Variants in PPARGC1A observed in about 807,000 individuals in gnomAD.
The protein encoded by PPARGC1A is PPARG coactivator 1 alpha, also known as peroxisome proliferator-activated receptor gamma coactivator 1-alpha.
PPARGC1A carries 25 observed loss-of-function variants against 88.7 expected under a neutral mutation model. The observed-to-expected ratio is 0.28, with a 90% CI of 0.21 to 0.39. PPARGC1A has a LOEUF of 0.39. Ranked by LOEUF, PPARGC1A falls within the 10% of genes least tolerant of loss-of-function variation. PPARGC1A has a pLI of 1.00. For missense variants in PPARGC1A, 880 were observed against 968.7 expected (o/e 0.91, Z 1.22); for synonymous variants, 363 against 355.6 (o/e 1.02, Z -0.24).
chr4:24,177,989 G>A, the PPARGC1A span, among the ~76,000 whole-genome samples: 1 of 152,124 alleles, frequency 6.6e-6, no homozygotes, highest in South Asian at 2.1e-4. Context: ...TCATAAATTC[G>A]TTATCTTACA....
the PPARGC1A span, among the ~76,000 whole-genome samples, chr4:24,023,518 T>A: frequency 3.3e-5 from 5 of 152,164 alleles, no homozygotes; most frequent in Non-Finnish European, 5.9e-5. Context: ...ACTGCAGAGT[T>A]TTCCAGCTGT....
chr4:24,084,657 A>G, the PPARGC1A span, among the ~76,000 whole-genome samples: 2 of 152,200 alleles, frequency 1.3e-5, no homozygotes, highest in Non-Finnish European at 2.9e-5. Flanking sequence ...ATGAAAACAA[A>G]CAATACAAGG....
chr4:24,124,186 CA>C, the PPARGC1A span, among the ~76,000 whole-genome samples: 1 of 152,114 alleles, frequency 6.6e-6, no homozygotes, highest in Non-Finnish European at 1.5e-5. Flanking sequence ...AATCTAAATG[CA>C]AATGTCGAGG....
chr4:24,390,081 G>A, the PPARGC1A span, among the ~76,000 whole-genome samples: 18 of 105,378 alleles, frequency 1.7e-4, no homozygotes, highest in Non-Finnish European at 2.9e-4. Context: ...TTTTTTTTCA[G>A]AGAAAATGAC....
intron 3 of PPARGC1A, among the ~76,000 whole-genome samples, chr4:23,830,653 C>G (rs1177536685): frequency 6.6e-6 from 1 of 152,172 alleles, no homozygotes; most frequent in Non-Finnish European, 1.5e-5. Context: ...GTAACAACCT[C>G]TAAATGGCAT....
chr4:23,820,101 T>A (rs987307921), intron 7 of PPARGC1A, among the ~76,000 whole-genome samples: 11 of 152,162 alleles, frequency 7.2e-5, no homozygotes, highest in African/African-American at 2.7e-4. Flanking sequence ...TACAAATTGG[T>A]TAATGAGTAT....
chr4:23,925,892 C>T, the PPARGC1A span, among the ~76,000 whole-genome samples: 3 of 152,130 alleles, frequency 2.0e-5, no homozygotes, highest in Admixed American at 2.0e-4. Flanking sequence ...CTAGTCAAGG[C>T]AGTTCCCATA....
the PPARGC1A span, among the ~76,000 whole-genome samples, chr4:24,317,555 T>TAAAAAAAAAAAAAAAA: frequency 6.8e-4 from 15 of 22,218 alleles, 5 homozygotes; most frequent in Non-Finnish European, 1.4e-3. Flanking sequence ...TTCAGAGGAC[T>TAAAAAAAAAAAAAAAA]AAAAAAAAAA....
At chr4:23,842,940 C>T (rs1727328079) in intron 2 of PPARGC1A, among the ~76,000 whole-genome samples, 1 of 152,104 alleles carries the variant, frequency 6.6e-6, no homozygotes, top group Non-Finnish European at 1.5e-5. Context: ...ATTATTAACA[C>T]ATTTTTATTT....
chr4:24,267,778 A>T, the PPARGC1A span, among the ~76,000 whole-genome samples: 1 of 152,216 alleles, frequency 6.6e-6, no homozygotes, highest in Non-Finnish European at 1.5e-5. Context: ...GTAGACCAAG[A>T]AGCATAATTC....
the PPARGC1A span, among the ~76,000 whole-genome samples, chr4:23,987,225 T>C: frequency 1.8e-4 from 27 of 152,144 alleles, no homozygotes; most frequent in African/African-American, 6.5e-4. Flanking sequence ...TCACTTGCTT[T>C]CTGGAAGCCC....
chr4:24,387,764 G>GAAAA, the PPARGC1A span, among the ~76,000 whole-genome samples: 1 of 76,560 alleles, frequency 1.3e-5, no homozygotes, highest in Non-Finnish European at 2.4e-5. Flanking sequence ...GAGAGAGAGA[G>GAAAA]AGAGAAAGAA....
At chr4:24,095,224 T>C in the PPARGC1A span, among the ~76,000 whole-genome samples, 1 of 150,334 alleles carries the variant, frequency 6.7e-6, no homozygotes, top group Non-Finnish European at 1.5e-5. Context: ...TTCAAGCAAT[T>C]CTCCTGCCTC....
At chr4:23,869,723 G>A (rs1712871897) in intron 2 of PPARGC1A, among the ~76,000 whole-genome samples, 1 of 152,296 alleles carries the variant, frequency 6.6e-6, no homozygotes, top group African/African-American at 2.4e-5. Context: ...GATTTCGTAT[G>A]CTCCAGATGA....
At chr4:24,041,410 C>T in the PPARGC1A span, among the ~76,000 whole-genome samples, 4 of 152,180 alleles carry the variant, frequency 2.6e-5, no homozygotes, top group Non-Finnish European at 4.4e-5. Flanking sequence ...TAGCTCCCTC[C>T]GTGGCATCTT....
At chr4:24,445,662 A>C in the PPARGC1A span, among the ~76,000 whole-genome samples, 2 of 152,224 alleles carry the variant, frequency 1.3e-5, no homozygotes. Context: ...ACAGGACATG[A>C]AAAGCATCAG....
At chr4:24,118,417 G>T in the PPARGC1A span, among the ~76,000 whole-genome samples, 1 of 152,052 alleles carries the variant, frequency 6.6e-6, no homozygotes. Flanking sequence ...AGTTTTCCTG[G>T]CCCTGAAAAC....
chr4:24,314,711 T>G, the PPARGC1A span, among the ~76,000 whole-genome samples: 1 of 152,200 alleles, frequency 6.6e-6, no homozygotes, highest in Non-Finnish European at 1.5e-5. Context: ...ATTTTATTAT[T>G]TGTTTTTAAT....
upstream of PPARGC1A, among the ~76,000 whole-genome samples, chr4:23,902,472 T>C (rs776258755): frequency 6.6e-6 from 1 of 152,176 alleles, no homozygotes; most frequent in Non-Finnish European, 1.5e-5. Context: ...GCAATCATTC[T>C]CCCTATAAAA....
Sources: allele counts gnomAD v4.1 joint callset (sites outside exome capture counted in the v4.1 genomes callset), GRCh38; gene constraint gnomAD v4.1.1; transcripts MANE v1.5; gene names NCBI Gene and HGNC (gene_info 2026-07-23, HGNC 2026-07-21).